Variants in FDXR observed in about 807,000 individuals in gnomAD.
FDXR encodes the protein NADPH:adrenodoxin oxidoreductase, mitochondrial.
In FDXR, 38 loss-of-function variants were observed where a neutral mutation model predicts 58.3. That is an observed-to-expected ratio of 0.65 (90% confidence interval 0.50 to 0.85). The LOEUF is 0.85. Among genes scored for constraint, FDXR ranks in the 40% least tolerant of loss-of-function variants. The pLI, the probability that FDXR is intolerant of heterozygous loss-of-function variation, is 0.00. For synonymous variants in FDXR, 275 were observed against 273.8 expected (o/e 1.00, Z -0.04); for missense variants, 624 against 671.0 (o/e 0.93, Z 0.77).
intron 1 of FDXR, 92 bp downstream of exon 1, chr17:74,872,774 T>G (rs1567920236): frequency 6.5e-7 from 1 of 1,536,346 alleles, no homozygotes; most frequent in Non-Finnish European, 8.7e-7. Flanking sequence ...CTCACCCTTC[T>G]CCAGCCCTGC....
intron 7 of FDXR, 108 bp from the exon 8 acceptor site, chr17:74,864,672 TC>T: frequency 7.1e-7 from 1 of 1,408,238 alleles, no homozygotes; most frequent in Non-Finnish European, 9.9e-7. Context: ...ACCCGCCTCC[TC>T]CCCAAAGGCA....
intron 5 of FDXR, 84 bp downstream of exon 5, chr17:74,866,047 G>A: frequency 9.0e-7 from 1 of 1,116,496 alleles, no homozygotes; most frequent in Non-Finnish European, 1.3e-6. Context: ...GCCACTGGAT[G>A]GCAGCTCCCT....
In FDXR at chr17:74,864,873, A is replaced by G; in HGVS notation, c.668T>C (p.Val223Ala). 1 of 1,613,974 alleles carries G rather than the reference A, an allele frequency of 6.2e-7. No homozygotes were observed. Among genetic ancestry groups the G allele is most frequent in the South Asian group, 1.1e-5 (1 of 91,068 alleles). ...GGGTCCACGCCGGCCCACTAGCCACACTGTCTTCACTCGACTCTGCCTCAG... is the reference window on the plus strand; with the variant it reads ...GGGTCCACGCCGGCCCACTAGCCACGCTGTCTTCACTCGACTCTGCCTCAG... Reference protein sequence around the residue: ...GVLRQSRVKTVWLVGRRGPLQ... With the variant: ...GVLRQSRVKTAWLVGRRGPLQ... The change falls in exon 7 of 12, where the codon GTG becomes GCG. Residue 223 changes from valine to alanine, a missense_variant. Coordinates refer to ENST00000293195, the MANE Select transcript of FDXR (RefSeq NM_024417.5).
Position 74,863,953 on chromosome 17 carries a change from A to G in FDXR, c.1117T>C (p.Phe373Leu). ...GGGATGACCCCAAGCTTGGAGTCAA[A>G]GGGCACGCTTGGGTCGACAGGGCGG... ...KSRPVDPSVP[F>L]DSKLGVIPNV... The change falls in exon 10 of 12, where the codon TTT becomes CTT. Residue 373 changes from phenylalanine (F) to leucine (L), a missense_variant. Transcript: ENST00000293195. 2 of 1,614,042 alleles carry G rather than the reference A, an allele frequency of 1.2e-6. No homozygotes were observed.
intron 6 of FDXR, 151 bp from the exon 7 acceptor site, chr17:74,865,082 G>T: frequency 1.0e-6 from 1 of 981,400 alleles, no homozygotes. Flanking sequence ...GAGCATTGCT[G>T]CCAACTCTGC....
At chr17:74,863,849 C>T (rs755235807) in intron 10 of FDXR, 47 bp downstream of exon 10, 25 of 1,574,044 alleles carry the variant, frequency 1.6e-5, no homozygotes, top group Middle Eastern at 1.7e-4. Context: ...ACCAGCTTCT[C>T]GGCCTCTCAC....
intron 2 of FDXR, 167 bp from the exon 3 acceptor site, chr17:74,867,043 G>A (rs567593098): frequency 2.2e-5 from 31 of 1,424,838 alleles, no homozygotes; most frequent in Admixed American, 5.3e-5. Flanking sequence ...TGGGTGGCTC[G>A]CGCCTGTCAG....
chr17:74,867,712 TGA>T (rs1003970860), intron 2 of FDXR, among the ~76,000 whole-genome samples: 1 of 152,054 alleles, frequency 6.6e-6, no homozygotes, highest in African/African-American at 2.4e-5. Context: ...CAGGGCACCT[TGA>T]GAGGCCGTGT....
chr17:74,863,266 G>T lies in FDXR; in HGVS notation c.1175-20C>A, dbSNP rs775388143. 2 of 1,603,708 alleles carry T rather than the reference G, an allele frequency of 1.2e-6. No individual in the cohort carries two copies. Among genetic ancestry groups the T allele is most frequent in the Admixed American group, 1.7e-5 (1 of 58,492 alleles). ...AGAGGCCTGAGAGGGGGTAACAAAA[G>T]GGGAAGGGAGGGAGGTGGCTGGATA... On this transcript the variant is annotated intron_variant, in intron 10 of 11. Transcript: ENST00000293195.
At chr17:74,866,347 A>C in intron 4 of FDXR, 99 bp downstream of exon 4, 2 of 1,571,636 alleles carry the variant, frequency 1.3e-6, no homozygotes, top group Non-Finnish European at 1.7e-6. Context: ...GCTTCTCAGC[A>C]GCTTGCATCC....
intron 2 of FDXR, among the ~76,000 whole-genome samples, chr17:74,869,623 T>C (rs1299437031): frequency 6.6e-6 from 1 of 152,092 alleles, no homozygotes; most frequent in Non-Finnish European, 1.5e-5. Context: ...AATTGGGACA[T>C]CTCTCCCTCC....
At chr17:74,870,841 C>G (rs1458822381) in intron 2 of FDXR, among the ~76,000 whole-genome samples, 1 of 125,414 alleles carries the variant, frequency 8.0e-6, no homozygotes, top group East Asian at 2.4e-4. Flanking sequence ...CTCACTCTGT[C>G]GCCCAGGCTG....
Position 74,864,281 on chromosome 17 carries a change from G to A in FDXR, c.869C>T (p.Pro290Leu), listed in dbSNP as rs769934690. The change falls in exon 9 of 12, where the codon CCG becomes CTG. Residue 290 changes from proline (P) to leucine (L), a missense_variant. Physicochemically the swap from Pro to Leu is moderately conservative, Grantham distance 98. Transcript: ENST00000293195. ...LLRTATEKPG[P>L]AEAARQASAS... ...CGATGCCTGGCGGGCAGCTTCCGCC[G>A]GCCCTGGCTTCTCTGTGGCCGTTCG... is the stretch of plus-strand genomic sequence containing the variant. 2.1e-5 allele frequency: 34 copies of A among 1,594,882 alleles called. No homozygotes were observed. The highest frequency in any genetic ancestry group is 1.7e-4 in the Middle Eastern group (1 of 6,000).
rs1839939704 is a variant in FDXR, at chr17:74,862,703, C to T, written c.*114G>A. The T allele has an allele frequency of 2.1e-6, 3 of 1,407,626 alleles. No individual in the cohort carries two copies. Among genetic ancestry groups the T allele is most frequent in the Non-Finnish European group, 2.8e-6 (3 of 1,057,354 alleles). 87.2% of individuals were successfully genotyped at this position (1,407,626 alleles called of 1,614,324 possible). ...GACGCTGGAAGAGCAGCCAAGCCTCCAAGCCAGGGCCGGCCGGGATCAGCA... is the reference window on the plus strand; with the variant it reads ...GACGCTGGAAGAGCAGCCAAGCCTCTAAGCCAGGGCCGGCCGGGATCAGCA... On this transcript the variant is annotated 3_prime_UTR_variant, in exon 12 of 12. Coordinates refer to ENST00000293195, the MANE Select transcript of FDXR (RefSeq NM_024417.5).
chr17:74,872,663 A>C (rs1598544244), intron 1 of FDXR: 1 of 1,161,688 alleles, frequency 8.6e-7, no homozygotes, highest in African/African-American at 1.6e-5. Flanking sequence ...ACCTTTGTTG[A>C]CCTCCGTCTC....
intron 7 of FDXR, 65 bp from the exon 8 acceptor site, chr17:74,864,629 CCCCAGGGTCCAG>C (rs2038104195): frequency 6.6e-7 from 1 of 1,506,754 alleles, no homozygotes; most frequent in South Asian, 1.2e-5. Context: ...CCTGAGCCCA[CCCCAGGGTCCAG>C]CCCAGGCAGG....
At chr17:74,871,660 G>C (rs373000057) in intron 2 of FDXR, among the ~76,000 whole-genome samples, 3 of 152,314 alleles carry the variant, frequency 2.0e-5, no homozygotes, top group East Asian at 1.9e-4. Context: ...AAGCGGAGGA[G>C]GTGGGTAGCC....
chr17:74,869,457 C>T (rs1192570810), intron 2 of FDXR, among the ~76,000 whole-genome samples: 3 of 152,170 alleles, frequency 2.0e-5, no homozygotes, highest in Non-Finnish European at 4.4e-5. Context: ...TCAGCCTCGG[C>T]TCTCACCTCC....
intron 2 of FDXR, chr17:74,869,947 T>C (rs911809606): frequency 2.4e-5 from 11 of 453,330 alleles, no homozygotes; most frequent in African/African-American, 1.6e-4. Context: ...CTAGCATCCT[T>C]ACCTGTGAAG....
Sources: allele counts gnomAD v4.1 joint callset (sites outside exome capture counted in the v4.1 genomes callset), GRCh38; gene constraint gnomAD v4.1.1; transcripts MANE v1.5; gene names NCBI Gene and HGNC (gene_info 2026-07-23, HGNC 2026-07-21).